PIP5K1B: variants seen among roughly 807,000 people sequenced by gnomAD.
PIP5K1B encodes phosphatidylinositol 4-phosphate 5-kinase type-1 beta.
In PIP5K1B, 42 loss-of-function variants were observed where a neutral mutation model predicts 67.0. The ratio of observed to expected loss-of-function variants is 0.63; its 90% CI spans 0.49 to 0.81. The LOEUF is 0.81. Ranked by LOEUF, PIP5K1B falls within the 30% of genes least tolerant of loss-of-function variation. The pLI, the probability that PIP5K1B is intolerant of heterozygous loss-of-function variation, is 0.00. For missense variants in PIP5K1B, 459 were observed against 646.3 expected, an observed-to-expected ratio of 0.71 and a Z score of 3.14; for synonymous variants, 214 against 231.4, an observed-to-expected ratio of 0.92 and a Z score of 0.68.
At chr9:68,858,271 G>A (rs764733686) in intron 4 of PIP5K1B, among the ~76,000 whole-genome samples, 13 of 152,078 alleles carry the variant, frequency 8.5e-5, no homozygotes, top group Non-Finnish European at 1.3e-4. Context: ...ACTGCACCTG[G>A]CCCTCTCTTG....
intron 2 of PIP5K1B, among the ~76,000 whole-genome samples, chr9:68,769,600 A>G (rs950615150): frequency 2.0e-5 from 3 of 152,248 alleles, no homozygotes; most frequent in Non-Finnish European, 4.4e-5. Context: ...GGTTTATTTT[A>G]TAGACTTTAA....
chr9:68,866,167 C>T (rs1159991039), intron 5 of PIP5K1B, among the ~76,000 whole-genome samples: 1 of 151,908 alleles, frequency 6.6e-6, no homozygotes, highest in Non-Finnish European at 1.5e-5. Context: ...AATGTGCACA[C>T]CTGTAATCCC....
intron 2 of PIP5K1B, among the ~76,000 whole-genome samples, chr9:68,792,811 G>A (rs1352959696): frequency 1.3e-5 from 2 of 152,176 alleles, no homozygotes; most frequent in East Asian, 3.9e-4. Context: ...AATGTAGTAA[G>A]ATTCTTAGTG....
At chr9:68,884,784 G>C (rs1824383100) in intron 6 of PIP5K1B, among the ~76,000 whole-genome samples, 1 of 152,066 alleles carries the variant, frequency 6.6e-6, no homozygotes, top group South Asian at 2.1e-4. Flanking sequence ...TAGAATGGCT[G>C]TTATCAAAAA....
intron 4 of PIP5K1B, among the ~76,000 whole-genome samples, chr9:68,845,958 T>C (rs1282901164): frequency 6.6e-6 from 1 of 152,246 alleles, no homozygotes; most frequent in East Asian, 1.9e-4. Flanking sequence ...AGTCTTTTTG[T>C]AAAACATGAT....
intron 13 of PIP5K1B, among the ~76,000 whole-genome samples, chr9:68,936,434 G>C (rs1827271857): frequency 6.6e-6 from 1 of 151,700 alleles, no homozygotes; most frequent in African/African-American, 2.4e-5. Flanking sequence ...TATCTGCCAA[G>C]TTAATCATTT....
At chr9:68,774,291 A>G (rs7044460) in intron 2 of PIP5K1B, among the ~76,000 whole-genome samples, 42,304 of 151,934 alleles carry the variant, frequency 0.28, 6,197 homozygotes, top group Admixed American at 0.33. Context: ...TAGGGCCCCA[A>G]TGAAATGCAA....
At chr9:68,868,850 A>T (rs2132284648) in intron 5 of PIP5K1B, among the ~76,000 whole-genome samples, 1 of 152,362 alleles carries the variant, frequency 6.6e-6, no homozygotes, top group African/African-American at 2.4e-5. Context: ...GTTTACCCTG[A>T]TGTAAAGATC....
intron 15 of PIP5K1B, among the ~76,000 whole-genome samples, chr9:68,992,877 G>A (rs1009392575): frequency 2.9e-5 from 4 of 136,110 alleles, no homozygotes; most frequent in African/African-American, 1.1e-4. Context: ...AAAAAGTCCT[G>A]GCTGGGCGCA....
At chr9:68,831,044 A>G (rs1055340631) in intron 4 of PIP5K1B, among the ~76,000 whole-genome samples, 2 of 152,210 alleles carry the variant, frequency 1.3e-5, no homozygotes, top group East Asian at 3.8e-4. Flanking sequence ...TTAAAATTCT[A>G]AAGTTCTCTG....
At chr9:68,770,368 CTT>C (rs1279893654) in intron 2 of PIP5K1B, among the ~76,000 whole-genome samples, 1 of 152,214 alleles carries the variant, frequency 6.6e-6, no homozygotes, top group Non-Finnish European at 1.5e-5. Context: ...CTCTTCCTCT[CTT>C]TTCCTGCCTT....
intron 2 of PIP5K1B, among the ~76,000 whole-genome samples, chr9:68,797,928 A>G (rs965220527): frequency 5.9e-5 from 9 of 152,226 alleles, no homozygotes; most frequent in African/African-American, 2.2e-4. Context: ...AGAGGTTTAG[A>G]CTAAATAGAT....
At chr9:68,826,909 G>A (rs553471631) in intron 4 of PIP5K1B, among the ~76,000 whole-genome samples, 6 of 141,494 alleles carry the variant, frequency 4.2e-5, no homozygotes, top group East Asian at 4.1e-4. Flanking sequence ...ATGCCGCCAC[G>A]CCTGGCTAAT....
At chr9:68,776,019 C>T (rs930603808) in intron 2 of PIP5K1B, among the ~76,000 whole-genome samples, 8 of 152,068 alleles carry the variant, frequency 5.3e-5, no homozygotes, top group African/African-American at 7.2e-5. Flanking sequence ...ATTCCTTAGT[C>T]GTGGGCTATA....
chr9:68,804,178 G>A (rs573969197), intron 2 of PIP5K1B, among the ~76,000 whole-genome samples: 33 of 152,276 alleles, frequency 2.2e-4, no homozygotes, highest in African/African-American at 7.9e-4. Context: ...GGTTTCAGGA[G>A]CCAGGAGGAA....
chr9:68,855,344 G>A (rs1432107590), intron 4 of PIP5K1B, among the ~76,000 whole-genome samples: 2 of 151,910 alleles, frequency 1.3e-5, no homozygotes. Flanking sequence ...CTCTCTCTTG[G>A]TTTTCTCATT....
chr9:68,851,447 A>T (rs1478813658), intron 4 of PIP5K1B, among the ~76,000 whole-genome samples: 2 of 152,236 alleles, frequency 1.3e-5, no homozygotes, highest in African/African-American at 4.8e-5. Flanking sequence ...CAGTATTCTT[A>T]TTTTTGAAAA....
chr9:68,808,197 CAAA>C (rs1241357135), intron 2 of PIP5K1B, among the ~76,000 whole-genome samples: 1 of 151,806 alleles, frequency 6.6e-6, no homozygotes, highest in Non-Finnish European at 1.5e-5. Flanking sequence ...GATTCTGTCT[CAAA>C]AACAAAACAA....
At chr9:68,812,052 C>T (rs1462618022) in intron 2 of PIP5K1B, among the ~76,000 whole-genome samples, 2 of 152,168 alleles carry the variant, frequency 1.3e-5, no homozygotes, top group South Asian at 4.1e-4. Context: ...GATGGAGGTG[C>T]GTGGGGTGGG....
Sources: gnomAD v4.1 joint callset for allele counts (sites outside exome capture counted in the v4.1 genomes callset) on GRCh38, gnomAD v4.1.1 for gene constraint, MANE v1.5 for transcripts, NCBI Gene and HGNC (gene_info 2026-07-23, HGNC 2026-07-21) for gene names.